The following TPMT variants were observed in gnomAD, a reference collection of about 807,000 sequenced individuals.
TPMT encodes the protein S-adenosyl-L-methionine:thiopurine S-methyltransferase.
A neutral mutation model predicts 34.2 loss-of-function variants in TPMT; 18 were observed. That is an observed-to-expected ratio of 0.53 (90% CI 0.36 to 0.78). The LOEUF (loss-of-function observed/expected upper bound fraction) is 0.78, where lower values mean the gene tolerates loss of function less well. TPMT is among the 30% of genes least tolerant of loss of function. TPMT has a pLI of 0.00. For missense variants in TPMT, 265 were observed against 288.1 expected, an observed-to-expected ratio of 0.92 and a Z score of 0.58; for synonymous variants, 69 against 92.4, an observed-to-expected ratio of 0.75 and a Z score of 1.45.
At position 18,129,190 on chromosome 6, in the gene TPMT, A is replaced by T. The variant is rs796397903; in HGVS notation, c.*1478T>A. ...GGGAGTCATGGCTTCTGAAGCCCAC[A>T]GTATCGACTGGGAGCAGGTCTCAGA... On this transcript the variant is annotated 3_prime_UTR_variant, in exon 9 of 9. Coordinates refer to ENST00000309983, the MANE Select transcript of TPMT (RefSeq NM_000367.5). The T allele has an allele frequency of 1.3e-5, 2 of 152,384 alleles. No homozygotes were observed. Among genetic ancestry groups the T allele is most frequent in the East Asian group, 3.9e-4 (2 of 5,180 alleles). The allele number at this position is 152,384 out of a possible 1,614,324, so 9.4% of individuals were successfully genotyped here. A position where few individuals can be genotyped will look rare whatever the true frequency, so the allele number is the denominator to read the frequency against.
In TPMT at chr6:18,139,320, C is replaced by T. The variant is rs1228408707; in HGVS notation, c.420-283G>A. 6.6e-6 allele frequency among the ~76,000 whole-genome samples: 1 copy of T among 152,176 alleles called. No homozygotes were observed. The highest frequency in any genetic ancestry group is 1.5e-5 in the Non-Finnish European group (1 of 68,032). On this transcript the variant is annotated intron_variant, in intron 5 of 8. Coordinates refer to ENST00000309983, the MANE Select transcript of TPMT (RefSeq NM_000367.5). The surrounding 1 kb of genome is among the most constrained non-coding windows in gnomAD (Gnocchi z 4.2). ...CAACAACTCTGCCCCCAGCCTCTGGCTCAGGTATCAGGGACTTTCAGGAGA... is the reference window on the plus strand; with the variant it reads ...CAACAACTCTGCCCCCAGCCTCTGGTTCAGGTATCAGGGACTTTCAGGAGA...
Position 18,136,353 on chromosome 6 carries a change from A to C in TPMT, c.495-2464T>G, listed in dbSNP as rs1784040535. Among the ~76,000 whole-genome samples, 1 of 152,112 alleles carries C rather than the reference A, an allele frequency of 6.6e-6. No individual in the cohort carries two copies. The highest frequency in any genetic ancestry group is 1.5e-5 in the Non-Finnish European group (1 of 68,022). ...GACATGTGATGTGGATGTTTGGGAG[A>C]AAGAACAGAGCTGGAAATGTAAAGA... On this transcript the variant is annotated intron_variant, in intron 6 of 8. Transcript: ENST00000309983. This position sits in a 1 kb window ranked among gnomAD's most constrained non-coding sequence, Gnocchi z 4.7.
At position 18,130,567 on chromosome 6, in the gene TPMT, T is replaced by C. The variant is rs1783921861; in HGVS notation, c.*101A>G. ...TAGTAAAGATCTATCATATGATTTA[T>C]AAACAATTTTAAAAATTCATCCATT... On this transcript the variant is annotated 3_prime_UTR_variant, in exon 9 of 9. Transcript: ENST00000309983. The surrounding 1 kb of genome is among the most constrained non-coding windows in gnomAD (Gnocchi z 4.2). The C allele has an allele frequency of 1.2e-6, 1 of 814,472 alleles. No individual in the cohort carries two copies. Among genetic ancestry groups the C allele is most frequent in the South Asian group, 1.5e-5 (1 of 65,396 alleles). 50.5% of individuals were successfully genotyped at this position (814,472 alleles called of 1,614,324 possible). A position where few individuals can be genotyped will look rare whatever the true frequency, so the allele number is the denominator to read the frequency against.
intron 3 of TPMT, among the ~76,000 whole-genome samples, chr6:18,144,552 T>C (rs1784213611): frequency 6.6e-6 from 1 of 151,900 alleles, no homozygotes; most frequent in African/African-American, 2.4e-5. Context: ...CTAATTTTTG[T>C]ATTTTTAGTA....
chr6:18,136,451 A>G lies in TPMT; in HGVS notation c.494+2512T>C, dbSNP rs943813134. ...CTCTGGCATACTATCTATTTGGAAC[A>G]TCACAGGAACTTAGTAAATATTTGT... On this transcript the variant is annotated intron_variant, in intron 6 of 8. Transcript: ENST00000309983. This position sits in a 1 kb window ranked among gnomAD's most constrained non-coding sequence, Gnocchi z 4.7. Among the ~76,000 whole-genome samples the G allele has an allele frequency of 6.6e-6, 1 of 152,224 alleles. No homozygotes were observed. The highest frequency in any genetic ancestry group is 2.4e-5 in the African/African-American group (1 of 41,456).
chr6:18,132,170 T>C lies in TPMT; in HGVS notation c.588A>G (p.Pro196=), dbSNP rs982192673. The change falls in exon 8 of 9, where the codon CCA becomes CCG. Residue 196 remains proline (P), a synonymous_variant. Coordinates refer to ENST00000309983, the MANE Select transcript of TPMT (RefSeq NM_000367.5). The surrounding 1 kb of genome is among the most constrained non-coding windows in gnomAD (Gnocchi z 4.8). ...CAATTTCAGCATGTGGAACATAAAA[T>C]GGTGGACCTAGGTAAAAGAGAAATA... is the stretch of plus-strand genomic sequence containing the variant. The part of the protein sequence containing the change: ...SYDPTKHPGP[P]FYVPHAEIER... 7 of 1,614,004 alleles carry C rather than the reference T, an allele frequency of 4.3e-6. No homozygotes were observed. The highest frequency in any genetic ancestry group is 4.0e-5 in the African/African-American group (3 of 74,932).
In TPMT at chr6:18,129,312, T is replaced by A. The variant is rs1446203988; in HGVS notation, c.*1356A>T. 2 of 152,162 alleles carry A rather than the reference T, an allele frequency of 1.3e-5. No homozygotes were observed. The highest frequency in any genetic ancestry group is 1.3e-4 in the Admixed American group (2 of 15,280). The allele number at this position is 152,162 out of a possible 1,614,324, so 9.4% of individuals were successfully genotyped here. ...TGGCAGAGAGCTTCTAGGGTAGAAG[T>A]TTGTACATGCAGGCCAAGGGGAACT... is the stretch of plus-strand genomic sequence containing the variant. On this transcript the variant is annotated 3_prime_UTR_variant, in exon 9 of 9. Coordinates refer to ENST00000309983, the MANE Select transcript of TPMT (RefSeq NM_000367.5).
intron 3 of TPMT, among the ~76,000 whole-genome samples, chr6:18,147,575 T>C (rs1784271909): frequency 6.6e-6 from 1 of 152,204 alleles, no homozygotes; most frequent in African/African-American, 2.4e-5. Flanking sequence ...GGCTGTTTTT[T>C]CTCCCCCCAT....
chr6:18,145,336 G>A lies in TPMT; in HGVS notation c.234-1608C>T, dbSNP rs191939517. ...TAAATACTACAATATGGCACTTTAC[G>A]GTGAAAAAGACCTAATGCTCACTAA... On this transcript the variant is annotated intron_variant, in intron 3 of 8. Coordinates refer to ENST00000309983, the MANE Select transcript of TPMT (RefSeq NM_000367.5). The surrounding 1 kb of genome is among the most constrained non-coding windows in gnomAD (Gnocchi z 5.6). 2.5e-3 allele frequency among the ~76,000 whole-genome samples: 374 copies of A among 152,244 alleles called. 7 individuals are homozygous for A. The highest frequency in any genetic ancestry group is 0.019 in the Admixed American group (293 of 15,294).
At position 18,150,247 on chromosome 6, in the gene TPMT, A is replaced by T. The variant is rs1389248319; in HGVS notation, c.-44-1076T>A. Reference sequence around the variant, plus strand: ...AGGATACTGCGAAGAATATACTTGAAGAGATGTGTTAGCTACAGGACCTTC... The same window carrying T: ...AGGATACTGCGAAGAATATACTTGATGAGATGTGTTAGCTACAGGACCTTC... On this transcript the variant is annotated intron_variant, in intron 1 of 8. Coordinates refer to ENST00000309983, the MANE Select transcript of TPMT (RefSeq NM_000367.5). This position sits in a 1 kb window ranked among gnomAD's most constrained non-coding sequence, Gnocchi z 5.3. Among the ~76,000 whole-genome samples the T allele has an allele frequency of 6.6e-6, 1 of 152,234 alleles. No individual in the cohort carries two copies. Among genetic ancestry groups the T allele is most frequent in the African/African-American group, 2.4e-5 (1 of 41,462 alleles).
rs1273946616 is a variant in TPMT at position 18,153,305 on chromosome 6, C to G, written c.-45+1728G>C. On this transcript the variant is annotated intron_variant, in intron 1 of 8. Coordinates refer to ENST00000309983, the MANE Select transcript of TPMT (RefSeq NM_000367.5). This position sits in a 1 kb window ranked among gnomAD's most constrained non-coding sequence, Gnocchi z 4.2. Reference sequence around the variant, plus strand: ...TCATTCTTCAGCTGACAGACCATAACTGCAGATCCATCTGAATGTATGAGG... The same window carrying G: ...TCATTCTTCAGCTGACAGACCATAAGTGCAGATCCATCTGAATGTATGAGG... 6.6e-6 allele frequency among the ~76,000 whole-genome samples: 1 copy of G among 152,228 alleles called. No homozygotes were observed. The highest frequency in any genetic ancestry group is 2.1e-4 in the South Asian group (1 of 4,834).
chr6:18,137,295 G>A (rs983233403), intron 6 of TPMT, among the ~76,000 whole-genome samples: 1 of 152,022 alleles, frequency 6.6e-6, no homozygotes, highest in East Asian at 1.9e-4. Flanking sequence ...GCGCCACCAA[G>A]CCCAGCTAAT....
chr6:18,150,266 G>T lies in TPMT; in HGVS notation c.-44-1095C>A, dbSNP rs1784326698. On this transcript the variant is annotated intron_variant, in intron 1 of 8. Coordinates refer to ENST00000309983, the MANE Select transcript of TPMT (RefSeq NM_000367.5). The surrounding 1 kb of genome is among the most constrained non-coding windows in gnomAD (Gnocchi z 5.3). ...ACTTGAAGAGATGTGTTAGCTACAGGACCTTCACCTGTTGAGCTATTAGGA... is the reference window on the plus strand; with the variant it reads ...ACTTGAAGAGATGTGTTAGCTACAGTACCTTCACCTGTTGAGCTATTAGGA... Among the ~76,000 whole-genome samples the T allele has an allele frequency of 6.6e-6, 1 of 152,180 alleles. No individual in the cohort carries two copies. The highest frequency in any genetic ancestry group is 2.4e-5 in the African/African-American group (1 of 41,446).
At position 18,149,995 on chromosome 6, in the gene TPMT, T is replaced by C. The variant is rs1194268316; in HGVS notation, c.-44-824A>G. 6.6e-6 allele frequency among the ~76,000 whole-genome samples: 1 copy of C among 151,986 alleles called. No individual in the cohort carries two copies. Among genetic ancestry groups the C allele is most frequent in the Non-Finnish European group, 1.5e-5 (1 of 68,004 alleles). On this transcript the variant is annotated intron_variant, in intron 1 of 8. Transcript: ENST00000309983. The surrounding 1 kb of genome is among the most constrained non-coding windows in gnomAD (Gnocchi z 5.0). ...AAATATTGGACACCAGTTGGGTATC[T>C]TCTGATTTAATTCTGACATTACCTA...
In TPMT at chr6:18,140,735, A is replaced by C. The variant is rs1298947743; in HGVS notation, c.367-1018T>G. Among the ~76,000 whole-genome samples the C allele has an allele frequency of 6.6e-6, 1 of 152,020 alleles. No individual in the cohort carries two copies. Among genetic ancestry groups the C allele is most frequent in the Non-Finnish European group, 1.5e-5 (1 of 68,006 alleles). On this transcript the variant is annotated intron_variant, in intron 4 of 8. Transcript: ENST00000309983. This position sits in a 1 kb window ranked among gnomAD's most constrained non-coding sequence, Gnocchi z 4.7. ...CTAAAAAATAAACAACAACAACAAAAATCAAGAGAATAAAACAAAAAAAGA... is the reference window on the plus strand; with the variant it reads ...CTAAAAAATAAACAACAACAACAAACATCAAGAGAATAAAACAAAAAAAGA...
Position 18,148,140 on chromosome 6 carries a change from A to AT in TPMT, c.141-226dup, listed in dbSNP as rs1176293100. ...CTTTCCTGATTAGTAATTAAAAATA[A>AT]TTTTTTTTTCTTGGGGATGTTTTGA... On this transcript the variant is annotated intron_variant, in intron 2 of 8. Coordinates refer to ENST00000309983, the MANE Select transcript of TPMT (RefSeq NM_000367.5). The surrounding 1 kb of genome is among the most constrained non-coding windows in gnomAD (Gnocchi z 4.1). Among the ~76,000 whole-genome samples, 1 of 151,568 alleles carries AT rather than the reference A, an allele frequency of 6.6e-6. No individual in the cohort carries two copies. The highest frequency in any genetic ancestry group is 1.5e-5 in the Non-Finnish European group (1 of 67,910).
chr6:18,149,571 T>C lies in TPMT; in HGVS notation c.-44-400A>G, dbSNP rs192641236. Among the ~76,000 whole-genome samples the C allele has an allele frequency of 3.4e-3, 518 of 151,642 alleles. 1 individual carries two copies. The Middle Eastern group carries it at 0.041, about 12-fold the overall frequency. On this transcript the variant is annotated intron_variant, in intron 1 of 8. Transcript: ENST00000309983. This position sits in a 1 kb window ranked among gnomAD's most constrained non-coding sequence, Gnocchi z 5.0. ...CTCCTGGGCTCAAGCGATCCTCCCATTTCAGCCTCCCAAGTAGCTGGGACT... is the reference window on the plus strand; with the variant it reads ...CTCCTGGGCTCAAGCGATCCTCCCACTTCAGCCTCCCAAGTAGCTGGGACT...
intron 4 of TPMT, among the ~76,000 whole-genome samples, chr6:18,141,225 C>A (rs564738126): frequency 1.5e-4 from 23 of 152,234 alleles, no homozygotes; most frequent in Non-Finnish European, 2.4e-4. Context: ...GGAAGCAGGA[C>A]TAGCCCTTTT....
rs574491982 is a variant in TPMT, at chr6:18,148,111, A to G, written c.141-196T>C. ...TCAGTGGTAAATCTGACTTACACCC[A>G]GGGCTTTCCTGATTAGTAATTAAAA... On this transcript the variant is annotated intron_variant, in intron 2 of 8. Coordinates refer to ENST00000309983, the MANE Select transcript of TPMT (RefSeq NM_000367.5). The surrounding 1 kb of genome is among the most constrained non-coding windows in gnomAD (Gnocchi z 4.1). 1.5e-4 allele frequency among the ~76,000 whole-genome samples: 23 copies of G among 152,268 alleles called. No homozygotes were observed. The highest frequency in any genetic ancestry group is 5.1e-4 in the African/African-American group (21 of 41,550).
Sources: gnomAD v4.1 joint callset for allele counts (sites outside exome capture counted in the v4.1 genomes callset) on GRCh38, gnomAD v4.1.1 for gene constraint, Gnocchi (gnomAD v3.1) non-coding constraint, MANE v1.5 for transcripts, NCBI Gene and HGNC (gene_info 2026-07-23, HGNC 2026-07-21) for gene names.